XIRP2: variants seen among roughly 807,000 people sequenced by gnomAD.
The protein encoded by XIRP2 is xin actin binding repeat containing 2.
XIRP2 carries 236 observed loss-of-function variants against 277.0 expected under a neutral mutation model. The ratio of observed to expected loss-of-function variants is 0.85; its 90% confidence interval spans 0.77 to 0.95. The LOEUF (loss-of-function observed/expected upper bound fraction) is 0.95, where lower values mean the gene tolerates loss of function less well. Ranked by LOEUF, XIRP2 falls within the 40% of genes least tolerant of loss-of-function variation. XIRP2 has a pLI of 0.00. For synonymous variants in XIRP2, 1,490 were observed against 1,416.5 expected (o/e 1.05, Z -1.17); for missense variants, 4,640 against 4,157.5 (o/e 1.12, Z -3.19).
chr2:167,117,093 A>G (rs1204237963), intron 2 of XIRP2, among the ~76,000 whole-genome samples: 1 of 152,216 alleles, frequency 6.6e-6, no homozygotes, highest in African/African-American at 2.4e-5. Context: ...AATTGAGAAG[A>G]ACTGAACAAT....
chr2:167,213,930 T>A (rs1171369187), intron 4 of XIRP2, among the ~76,000 whole-genome samples: 1 of 151,894 alleles, frequency 6.6e-6, no homozygotes, highest in African/African-American at 2.4e-5. Flanking sequence ...TTAGTACTAC[T>A]ATTAAAAATA....
intron 2 of XIRP2, among the ~76,000 whole-genome samples, chr2:167,132,511 TACAC>T (rs35636231): frequency 0.02 from 2,932 of 146,274 alleles, 30 homozygotes; most frequent in East Asian, 0.041. Context: ...TGCATGTGTA[TACAC>T]ACACACACAC....
At chr2:166,911,607 C>A (rs574857446) in intron 2 of XIRP2, among the ~76,000 whole-genome samples, 18 of 147,638 alleles carry the variant, frequency 1.2e-4, no homozygotes, top group African/African-American at 2.4e-4. Context: ...TAGCCCATTT[C>A]AATTTAAGGT....
chr2:167,185,931 GC>G (rs779827340), intron 3 of XIRP2, among the ~76,000 whole-genome samples: 12 of 152,064 alleles, frequency 7.9e-5, no homozygotes, highest in Admixed American at 2.0e-4. Flanking sequence ...TATGAAACTT[GC>G]CCAGGTCACA....
intron 2 of XIRP2, among the ~76,000 whole-genome samples, chr2:167,063,302 G>A (rs1311148076): frequency 2.0e-5 from 3 of 151,844 alleles, no homozygotes; most frequent in Non-Finnish European, 4.4e-5. Context: ...TATAGTTATT[G>A]AGACTTGTTT....
chr2:167,159,891 G>A (rs552824219), intron 3 of XIRP2, among the ~76,000 whole-genome samples: 3 of 152,224 alleles, frequency 2.0e-5, no homozygotes, highest in East Asian at 3.9e-4. Flanking sequence ...AAAAGGCTAT[G>A]TGCATTCAGG....
intron 1 of XIRP2, among the ~76,000 whole-genome samples, chr2:166,900,647 T>G (rs1375916608): frequency 6.6e-6 from 1 of 152,088 alleles, no homozygotes; most frequent in African/African-American, 2.4e-5. Flanking sequence ...ATGACTGTTT[T>G]GTGAAGGTGG....
intron 2 of XIRP2, among the ~76,000 whole-genome samples, chr2:167,009,985 C>G (rs1172266534): frequency 2.0e-4 from 30 of 151,780 alleles, no homozygotes; most frequent in African/African-American, 5.8e-4. Flanking sequence ...AGATGAGTAG[C>G]TTGTGAAAAT....
intron 3 of XIRP2, among the ~76,000 whole-genome samples, chr2:167,154,374 A>T (rs1338426517): frequency 5.7e-4 from 86 of 151,276 alleles, no homozygotes; most frequent in African/African-American, 1.7e-3. Context: ...TTCACTCTGA[A>T]GGTAGTTTCT....
chr2:166,988,436 T>C (rs1163628186), intron 2 of XIRP2, among the ~76,000 whole-genome samples: 1 of 150,722 alleles, frequency 6.6e-6, no homozygotes, highest in East Asian at 2.1e-4. Flanking sequence ...AAAAAAAAAT[T>C]AATGGGAAAA....
Position 167,248,729 on chromosome 2 carries a change from T to G in XIRP2, c.7337T>G (p.Leu2446Arg), listed in dbSNP as rs761342798. The G allele has an allele frequency of 5.0e-6, 8 of 1,613,636 alleles. No homozygotes were observed. Among genetic ancestry groups the G allele is most frequent in the Admixed American group, 3.3e-5 (2 of 59,954 alleles). ...AACGATTTTTCCCCCAAAGTTGAAC[T>G]GGCAACCTCCCTGTCAGATATGGAA... ...NKNDFSPKVE[L>R]ATSLSDMECK... The change falls in exon 9 of 11, where the codon CTG (leucine) becomes CGG (arginine). Residue 2446 changes from leucine to arginine, a missense_variant. By Grantham distance (102) the Leu-to-Arg change is moderately radical. Transcript: ENST00000409195.
At chr2:167,038,413 T>C (rs1688573468) in intron 2 of XIRP2, among the ~76,000 whole-genome samples, 1 of 151,486 alleles carries the variant, frequency 6.6e-6, no homozygotes, top group Non-Finnish European at 1.5e-5. Context: ...TCATCCTCTT[T>C]AATATACATA....
chr2:167,124,845 G>A (rs1403294154), intron 2 of XIRP2, among the ~76,000 whole-genome samples: 1 of 152,174 alleles, frequency 6.6e-6, no homozygotes, highest in African/African-American at 2.4e-5. Context: ...GTAAACACTG[G>A]TGGAGAAGCA....
intron 5 of XIRP2, among the ~76,000 whole-genome samples, chr2:167,235,860 A>G (rs551616075): frequency 3.9e-5 from 6 of 152,090 alleles, no homozygotes; most frequent in African/African-American, 1.2e-4. Context: ...AAAAAATTCA[A>G]TGTTTGAATT....
At position 167,243,405 on chromosome 2, in the gene XIRP2, A is replaced by G; in HGVS notation, c.2013A>G (p.Gln671=). The change falls in exon 9 of 11, where the codon CAA becomes CAG. Residue 671 remains glutamine (Q), a synonymous_variant. Coordinates refer to ENST00000409195, the MANE Select transcript of XIRP2 (RefSeq NM_152381.6). ...TGGACTCAATGAATAAAATGCATCA[A>G]AGTCAAGAAGAATCAGCGGTAACTA... ...RPLDSMNKMH[Q]SQEESAVTIS... The G allele has an allele frequency of 6.2e-7, 1 of 1,614,058 alleles. No individual in the cohort carries two copies. Among genetic ancestry groups the G allele is most frequent in the Non-Finnish European group, 8.5e-7 (1 of 1,179,978 alleles).
intron 2 of XIRP2, among the ~76,000 whole-genome samples, chr2:167,028,537 A>T (rs1688238805): frequency 1.3e-5 from 2 of 152,086 alleles, no homozygotes; most frequent in African/African-American, 4.8e-5. Flanking sequence ...TGCAGTGACC[A>T]AAACTTAGAT....
chr2:167,044,266 A>T (rs766385106), intron 2 of XIRP2, among the ~76,000 whole-genome samples: 4 of 152,126 alleles, frequency 2.6e-5, no homozygotes, highest in Admixed American at 1.3e-4. Context: ...CATCAAAGTA[A>T]CTTACCTCAG....
At chr2:167,082,212 T>A (rs932741842) in intron 2 of XIRP2, among the ~76,000 whole-genome samples, 75 of 152,034 alleles carry the variant, frequency 4.9e-4, no homozygotes, top group Admixed American at 1.2e-3. Context: ...TTTTTGTTCT[T>A]GCGATAGTTT....
chr2:167,010,026 G>C lies in XIRP2; in HGVS notation c.408+106136G>C, dbSNP rs540471694. Among the ~76,000 whole-genome samples the C allele has an allele frequency of 2.1e-3, 319 of 151,810 alleles. 4 individuals carry two copies. Among genetic ancestry groups the C allele is most frequent in the African/African-American group, 7.4e-3 (306 of 41,390 alleles). ...CCCATTTTGTAGGTTGCCTGTTCAC[G>C]CTGATGGTAGTTTCTTTTGCTGTGC... On this transcript the variant is annotated intron_variant, in intron 2 of 10. Coordinates refer to ENST00000409195, the MANE Select transcript of XIRP2 (RefSeq NM_152381.6).
Sources: gnomAD v4.1 joint callset for allele counts (sites outside exome capture counted in the v4.1 genomes callset) on GRCh38, gnomAD v4.1.1 for gene constraint, MANE v1.5 for transcripts, NCBI Gene and HGNC (gene_info 2026-07-23, HGNC 2026-07-21) for gene names.